WDR86: variants seen among roughly 807,000 people sequenced by gnomAD.
WDR86 encodes the protein WD repeat-containing protein 86.
A neutral mutation model predicts 36.5 loss-of-function variants in WDR86; 30 were observed. The observed-to-expected ratio is 0.82, with a 90% CI of 0.61 to 1.11. The LOEUF (loss-of-function observed/expected upper bound fraction) is 1.11. Among genes scored for constraint, WDR86 ranks in the 50% most tolerant of loss-of-function variants. The pLI is 0.00. For synonymous variants in WDR86, 255 were observed against 252.9 expected, an observed-to-expected ratio of 1.01 and a Z score of -0.08; for missense variants, 545 against 561.2, an observed-to-expected ratio of 0.97 and a Z score of 0.29.
intron 1 of WDR86, among the ~76,000 whole-genome samples, chr7:151,407,181 C>T (rs1394792660): frequency 6.6e-6 from 1 of 152,224 alleles, no homozygotes; most frequent in Non-Finnish European, 1.5e-5. Flanking sequence ...CCTGCTTGAG[C>T]GGGGATAGCC....
At chr7:151,375,705 A>G (rs1368317578), downstream of WDR86, 1 of 615,536 alleles carries the variant, frequency 1.6e-6, no homozygotes, top group Non-Finnish European at 3.1e-6. Flanking sequence ...TTCTGTGAAC[A>G]CCAGCCTGAG....
At chr7:151,382,081 C>T (rs1028894503) in intron 4 of WDR86, 100 bp from the exon 5 acceptor site, 19 of 1,021,216 alleles carry the variant, frequency 1.9e-5, no homozygotes, top group South Asian at 1.8e-4. Flanking sequence ...TCCGAGACTC[C>T]GCCCCACGGG....
At chr7:151,402,070 A>AAAAAAAAAAAAAATATATATAT in intron 1 of WDR86, among the ~76,000 whole-genome samples, 1 of 50,532 alleles carries the variant, frequency 2.0e-5, no homozygotes, top group Non-Finnish European at 3.3e-5. Context: ...AAAAAAAAAA[A>AAAAAAAAAAAAAATATATATAT]ATATATATAT....
chr7:151,374,021 T>A, downstream of WDR86: 1 of 1,451,894 alleles, frequency 6.9e-7, no homozygotes, highest in South Asian at 1.4e-5. Flanking sequence ...ATGCGGAGAA[T>A]CCTGCAGAGC....
chr7:151,392,498 GC>G (rs1799507648), intron 3 of WDR86, among the ~76,000 whole-genome samples: 1 of 152,150 alleles, frequency 6.6e-6, no homozygotes, highest in African/African-American at 2.4e-5. Context: ...AACCCCTGAA[GC>G]CCCCTACCCG....
upstream of WDR86, chr7:151,410,613 C>T (rs2150897392): frequency 6.6e-6 from 1 of 152,406 alleles, no homozygotes; most frequent in East Asian, 1.9e-4. Context: ...CCGCGGGCTC[C>T]CTCGGCCTGG....
chr7:151,394,662 C>T (rs550777263), intron 3 of WDR86, among the ~76,000 whole-genome samples: 14 of 152,364 alleles, frequency 9.2e-5, no homozygotes, highest in East Asian at 1.9e-4. Context: ...TGGTCACGGT[C>T]GCGGCGGCTA....
chr7:151,382,111 G>T, intron 4 of WDR86, 130 bp from the exon 5 acceptor site: 1 of 755,584 alleles, frequency 1.3e-6, no homozygotes, highest in Non-Finnish European at 2.2e-6. Context: ...AGGCTCATAT[G>T]GGAAGTGGAC....
In WDR86 at chr7:151,381,473, C is replaced by T. The variant is rs1244080442; in HGVS notation, c.*109G>A. On this transcript the variant is annotated 3_prime_UTR_variant, in exon 6 of 6. Coordinates refer to ENST00000334493, the MANE Select transcript of WDR86 (RefSeq NM_198285.3). This position sits in a 1 kb window ranked among gnomAD's most constrained non-coding sequence, Gnocchi z 4.8. ...GGCTCTCCTCCCGCCCGGGCTTCCT[C>T]GCTCCTCGCCCCTCGCCGGCCATCG... 2.0e-6 allele frequency: 3 copies of T among 1,479,736 alleles called. No homozygotes were observed. Among genetic ancestry groups the T allele is most frequent in the Non-Finnish European group, 8.9e-7 (1 of 1,123,976 alleles). 91.7% of individuals were successfully genotyped at this position (1,479,736 alleles called of 1,614,324 possible).
chr7:151,393,501 T>A (rs1302674855), intron 3 of WDR86, among the ~76,000 whole-genome samples: 1 of 152,078 alleles, frequency 6.6e-6, no homozygotes, highest in Non-Finnish European at 1.5e-5. Flanking sequence ...GTGCTGCTTT[T>A]CTCCCCCCTC....
the WDR86 span, among the ~76,000 whole-genome samples, chr7:151,369,375 T>C: frequency 1.3e-5 from 2 of 152,208 alleles, no homozygotes; most frequent in Non-Finnish European, 2.9e-5. Context: ...TTTCCTGCTG[T>C]GGTGGCAAAC....
downstream of WDR86, among the ~76,000 whole-genome samples, chr7:151,372,367 A>C (rs932034922): frequency 3.9e-5 from 6 of 152,234 alleles, no homozygotes; most frequent in African/African-American, 1.4e-4. Context: ...GACATTTGTA[A>C]TGAAAGGAAG....
chr7:151,379,413 A>G (rs1196852585), downstream of WDR86, among the ~76,000 whole-genome samples: 1 of 152,128 alleles, frequency 6.6e-6, no homozygotes, highest in Non-Finnish European at 1.5e-5. Context: ...TCCTATGGGT[A>G]GCTCCTGTCC....
At chr7:151,368,966 A>G in the WDR86 span, 4 of 1,407,142 alleles carry the variant, frequency 2.8e-6, no homozygotes, top group Non-Finnish European at 3.8e-6. Context: ...GTTAATAACC[A>G]GGAACTCTTT....
downstream of WDR86, chr7:151,374,413 A>C (rs1488529298): frequency 1.2e-6 from 1 of 818,672 alleles, no homozygotes; most frequent in Admixed American, 2.1e-5. Flanking sequence ...AGGCTGCGTG[A>C]GGCCACGTGA....
At chr7:151,407,666 C>G (rs758466242) in intron 1 of WDR86, among the ~76,000 whole-genome samples, 1 of 152,098 alleles carries the variant, frequency 6.6e-6, no homozygotes, top group Non-Finnish European at 1.5e-5. Context: ...TGATGAAGCC[C>G]CACGTCTAAT....
chr7:151,371,176 C>T (rs6957858), downstream of WDR86, among the ~76,000 whole-genome samples: 129,961 of 152,238 alleles, frequency 0.85, 55,611 homozygotes, highest in East Asian at 0.99. Flanking sequence ...GTTACGATGC[C>T]TTTGGCTGAA....
downstream of WDR86, among the ~76,000 whole-genome samples, chr7:151,371,170 C>T (rs1342186499): frequency 9.9e-5 from 15 of 152,134 alleles, no homozygotes; most frequent in Non-Finnish European, 1.6e-4. Flanking sequence ...TTGTTAGTTA[C>T]GATGCCTTTG....
intron 1 of WDR86, among the ~76,000 whole-genome samples, chr7:151,403,318 G>A (rs543116856): frequency 2.0e-5 from 3 of 152,330 alleles, no homozygotes; most frequent in African/African-American, 4.8e-5. Flanking sequence ...TTAGAACTAA[G>A]AGCCATTTTA....
Sources: gnomAD v4.1 joint callset for allele counts (sites outside exome capture counted in the v4.1 genomes callset) on GRCh38, gnomAD v4.1.1 for gene constraint, Gnocchi (gnomAD v3.1) non-coding constraint, MANE v1.5 for transcripts, NCBI Gene and HGNC (gene_info 2026-07-23, HGNC 2026-07-21) for gene names.